CCNY: variants seen among roughly 807,000 people sequenced by gnomAD.
CCNY encodes cyclin Y.
Under a neutral mutation model 42.8 loss-of-function variants are expected in CCNY, and 19 were observed. The observed-to-expected ratio is 0.44, with a 90% CI of 0.31 to 0.65. The LOEUF (loss-of-function observed/expected upper bound fraction) is 0.65. Ranked by LOEUF, CCNY falls within the 30% of genes least tolerant of loss-of-function variation. The probability of loss-of-function intolerance (pLI) is 0.07; values close to 1 mark genes in which losing one functional copy is unlikely to be tolerated. For missense variants in CCNY, 370 were observed against 437.3 expected, an observed-to-expected ratio of 0.85 and a Z score of 1.37; for synonymous variants, 165 against 162.7, an observed-to-expected ratio of 1.01 and a Z score of -0.11.
intron 3 of CCNY, among the ~76,000 whole-genome samples, chr10:35,513,780 T>G (rs1840369558): frequency 6.6e-6 from 1 of 152,104 alleles, no homozygotes; most frequent in African/African-American, 2.4e-5. Flanking sequence ...GCTGTGTCAT[T>G]TACTAGCAAA....
chr10:35,404,753 T>TG (rs1159938767), intron 1 of CCNY, among the ~76,000 whole-genome samples: 1 of 152,128 alleles, frequency 6.6e-6, no homozygotes, highest in African/African-American at 2.4e-5. Flanking sequence ...GGAGATTAGT[T>TG]GGACACAATC....
At chr10:35,381,457 G>T (rs995184226) in intron 1 of CCNY, among the ~76,000 whole-genome samples, 1 of 152,030 alleles carries the variant, frequency 6.6e-6, no homozygotes, top group African/African-American at 2.4e-5. Flanking sequence ...GCTACTGGAG[G>T]GGGTGGGCTG....
chr10:35,301,835 G>A (rs1198812733), intron 3 of CCNY, among the ~76,000 whole-genome samples: 1 of 152,026 alleles, frequency 6.6e-6, no homozygotes, highest in African/African-American at 2.4e-5. Flanking sequence ...GTCTCAATAT[G>A]TTGCCCAGGC....
chr10:35,379,792 C>G (rs1669222937), intron 1 of CCNY, among the ~76,000 whole-genome samples: 2 of 152,200 alleles, frequency 1.3e-5, no homozygotes, highest in South Asian at 2.1e-4. Flanking sequence ...TATCCACCCC[C>G]TACCCCTTCT....
At chr10:35,556,139 G>A (rs544416414) in intron 8 of CCNY, among the ~76,000 whole-genome samples, 28 of 152,298 alleles carry the variant, frequency 1.8e-4, no homozygotes, top group Admixed American at 1.4e-3. Context: ...CTGAACCTTA[G>A]TGACTCATGC....
intron 7 of CCNY, among the ~76,000 whole-genome samples, chr10:35,545,851 TC>T (rs1359577419): frequency 2.0e-5 from 3 of 152,192 alleles, no homozygotes; most frequent in Admixed American, 6.5e-5. Flanking sequence ...TGGAAAATCT[TC>T]CAGCATCAGG....
At chr10:35,247,075 T>G (rs1326969447) in exon 1 of CCNY, 1 of 153,480 alleles carries the variant, frequency 6.5e-6, no homozygotes, top group Non-Finnish European at 1.4e-5. Context: ...GCCACCAGGT[T>G]GAGAGCCGCC....
At chr10:35,444,248 G>C (rs888250401) in intron 1 of CCNY, among the ~76,000 whole-genome samples, 4 of 145,666 alleles carry the variant, frequency 2.7e-5, no homozygotes, top group African/African-American at 7.8e-5. Context: ...CTGTTTTTTG[G>C]CTTTTTTTTT....
intron 1 of CCNY, among the ~76,000 whole-genome samples, chr10:35,443,890 A>C (rs1589125254): frequency 6.6e-6 from 1 of 152,100 alleles, no homozygotes; most frequent in African/African-American, 2.4e-5. Flanking sequence ...GGGATGTTCT[A>C]AGTTGCTAGC....
chr10:35,450,896 A>G (rs1456915335), intron 1 of CCNY, among the ~76,000 whole-genome samples: 1 of 151,908 alleles, frequency 6.6e-6, no homozygotes, highest in African/African-American at 2.4e-5. Context: ...TGGAGCAGCT[A>G]CTTCCTCTGG....
intron 1 of CCNY, among the ~76,000 whole-genome samples, chr10:35,406,237 A>AT (rs1405505373): frequency 1.0e-5 from 1 of 95,992 alleles, no homozygotes; most frequent in Non-Finnish European, 2.2e-5. Context: ...TTATTTATTT[A>AT]TTTATTTTTT....
chr10:35,253,982 T>TGCCTCAGC (rs2095713785), intron 3 of CCNY, among the ~76,000 whole-genome samples: 1 of 151,542 alleles, frequency 6.6e-6, no homozygotes, highest in Non-Finnish European at 1.5e-5. Context: ...TTCACGCCAT[T>TGCCTCAGC]CTCCTGCCTC....
intron 1 of CCNY, among the ~76,000 whole-genome samples, chr10:35,454,134 C>T (rs565632824): frequency 6.6e-6 from 1 of 152,282 alleles, no homozygotes; most frequent in African/African-American, 2.4e-5. Flanking sequence ...GAATCTTGTA[C>T]TCGTTCATCC....
chr10:35,279,683 G>A (rs764578911), intron 3 of CCNY, among the ~76,000 whole-genome samples: 22 of 152,230 alleles, frequency 1.4e-4, no homozygotes, highest in Non-Finnish European at 1.2e-4. Context: ...ATGCAGATAT[G>A]TGAGAGCAAG....
At chr10:35,335,011 T>C (rs1835993725), upstream of CCNY, among the ~76,000 whole-genome samples, 1 of 152,088 alleles carries the variant, frequency 6.6e-6, no homozygotes, top group African/African-American at 2.4e-5. Context: ...GTTGTACTAT[T>C]GTACTAGTTT....
At position 35,532,225 on chromosome 10, in the gene CCNY, G is replaced by C. The variant is rs550085202; in HGVS notation, c.579+1982G>C. Among the ~76,000 whole-genome samples the C allele has an allele frequency of 1.6e-4, 25 of 152,356 alleles. No homozygotes were observed. In the South Asian group the frequency reaches 5.2e-3, roughly 32 times the overall value. On this transcript the variant is annotated intron_variant, in intron 7 of 9. Coordinates refer to ENST00000374704, the MANE Select transcript of CCNY (RefSeq NM_145012.6). ...GTGTGCCTTGAGCAAGACTCTTGTA[G>C]GATTGTTCTTCCCTCCTCGTGTTCC... is the stretch of plus-strand genomic sequence containing the variant.
chr10:35,511,373 G>C (rs1441918275), intron 3 of CCNY, among the ~76,000 whole-genome samples: 1 of 152,310 alleles, frequency 6.6e-6, no homozygotes, highest in East Asian at 1.9e-4. Flanking sequence ...GTGAACACGG[G>C]CATAGAACAC....
chr10:35,365,693 C>A (rs1836793528), intron 1 of CCNY, among the ~76,000 whole-genome samples: 1 of 152,084 alleles, frequency 6.6e-6, no homozygotes, highest in Non-Finnish European at 1.5e-5. Flanking sequence ...TAAATAAAAT[C>A]TTTAGTGGAT....
chr10:35,521,992 T>G (rs1840557188), intron 4 of CCNY, among the ~76,000 whole-genome samples: 1 of 152,096 alleles, frequency 6.6e-6, no homozygotes, highest in Non-Finnish European at 1.5e-5. Context: ...GAGCCAAATT[T>G]GACAAGACCT....
Sources: gnomAD v4.1 joint callset for allele counts (sites outside exome capture counted in the v4.1 genomes callset) on GRCh38, gnomAD v4.1.1 for gene constraint, MANE v1.5 for transcripts, NCBI Gene and HGNC (gene_info 2026-07-23, HGNC 2026-07-21) for gene names.